TRAPPC11: variants seen among roughly 807,000 people sequenced by gnomAD.
TRAPPC11 encodes the protein trafficking protein particle complex subunit 11.
TRAPPC11 carries 104 observed loss-of-function variants against 151.2 expected under a neutral mutation model. That is an observed-to-expected ratio of 0.69 (90% CI 0.59 to 0.81). The LOEUF (loss-of-function observed/expected upper bound fraction) is 0.81. Ranked by LOEUF, TRAPPC11 falls within the 30% of genes least tolerant of loss-of-function variation. The pLI, the probability that TRAPPC11 is intolerant of heterozygous loss-of-function variation, is 0.00. For missense variants in TRAPPC11, 1,230 were observed against 1,349.6 expected, an observed-to-expected ratio of 0.91 and a Z score of 1.39; for synonymous variants, 456 against 472.3, an observed-to-expected ratio of 0.97 and a Z score of 0.45.
chr4:183,660,922 C>T (rs1274663409), intron 1 of TRAPPC11, among the ~76,000 whole-genome samples: 1 of 151,964 alleles, frequency 6.6e-6, no homozygotes, highest in Non-Finnish European at 1.5e-5. Context: ...CCCTATTGGC[C>T]AGGCTGGTTT....
rs1579231801 is a variant in TRAPPC11 at position 183,708,657 on chromosome 4, A to G, written c.3357+83A>G. 80 of 1,288,718 alleles carry G rather than the reference A, an allele frequency of 6.2e-5. No homozygotes were observed. In the East Asian group the frequency reaches 1.8e-3, roughly 30 times the overall value. 79.8% of individuals were successfully genotyped at this position (1,288,718 alleles called of 1,614,324 possible). On this transcript the variant is annotated intron_variant, in intron 29 of 29. Transcript: ENST00000334690. ...CTTTTTCATGTAAACTTCACTGAAC[A>G]GTATTTTGAGACCAACAGTGATAGT...
Position 183,685,340 on chromosome 4 carries a change from G to C in TRAPPC11, c.1699G>C (p.Asp567His), listed in dbSNP as rs1458225938. 2 of 1,614,036 alleles carry C rather than the reference G, an allele frequency of 1.2e-6. No individual in the cohort carries two copies. The highest frequency in any genetic ancestry group is 2.2e-5 in the South Asian group (2 of 91,084). Reference sequence around the variant, plus strand: ...GAAAACTGCTCAGAAGCTGTGGGCAGACCGAATTTCTCTGGCTGGCAGCAA... The same window carrying C: ...GAAAACTGCTCAGAAGCTGTGGGCACACCGAATTTCTCTGGCTGGCAGCAA... ...AVKTAQKLWA[D>H]RISLAGSNIF... The change falls in exon 17 of 30, where the codon GAC becomes CAC. Residue 567 changes from aspartate (D) to histidine (H), a missense_variant. By Grantham distance (81) the Asp-to-His change is moderately conservative. Coordinates refer to ENST00000334690, the MANE Select transcript of TRAPPC11 (RefSeq NM_021942.6).
chr4:183,697,956 T>G (rs1211237652), intron 25 of TRAPPC11, 121 bp downstream of exon 25: 1 of 886,066 alleles, frequency 1.1e-6, no homozygotes, highest in Admixed American at 3.0e-5. Context: ...ACTTGAGACC[T>G]GCACTCGTGA....
chr4:183,660,924 G>A (rs1012265012), intron 1 of TRAPPC11, among the ~76,000 whole-genome samples: 7 of 152,108 alleles, frequency 4.6e-5, no homozygotes, highest in Non-Finnish European at 8.8e-5. Flanking sequence ...CTATTGGCCA[G>A]GCTGGTTTTG....
At chr4:183,661,278 G>C (rs4861567) in intron 1 of TRAPPC11, among the ~76,000 whole-genome samples, 56,607 of 151,112 alleles carry the variant, frequency 0.37, 11,460 homozygotes, top group Non-Finnish European at 0.46. Flanking sequence ...TTGGGGATTA[G>C]GTATTAGCCT....
At chr4:183,688,768 C>T (rs1736112110) in intron 18 of TRAPPC11, among the ~76,000 whole-genome samples, 1 of 151,944 alleles carries the variant, frequency 6.6e-6, no homozygotes, top group African/African-American at 2.4e-5. Flanking sequence ...TGTTTTGAGA[C>T]AAGGCTGCAC....
intron 8 of TRAPPC11, among the ~76,000 whole-genome samples, chr4:183,677,940 CTTTTT>C: frequency 7.1e-6 from 1 of 140,404 alleles, no homozygotes; most frequent in African/African-American, 2.6e-5. Context: ...TTAGAGGAAA[CTTTTT>C]TTTTTTTTTT....
intron 15 of TRAPPC11, 39 bp downstream of exon 15, chr4:183,684,880 A>G: frequency 9.5e-6 from 15 of 1,577,368 alleles, no homozygotes; most frequent in Non-Finnish European, 1.3e-5. Context: ...TTGATACATA[A>G]AATTATTTAG....
At chr4:183,665,087 C>CTTTTTTTTTTTTTTT in intron 2 of TRAPPC11, among the ~76,000 whole-genome samples, 1 of 115,812 alleles carries the variant, frequency 8.6e-6, no homozygotes, top group Non-Finnish European at 1.8e-5. Flanking sequence ...TTTTTCTTTT[C>CTTTTTTTTTTTTTTT]TTTCTTTTTT....
intron 2 of TRAPPC11, among the ~76,000 whole-genome samples, chr4:183,664,610 C>T (rs1045502483): frequency 6.6e-5 from 10 of 151,884 alleles, no homozygotes; most frequent in African/African-American, 7.3e-5. Flanking sequence ...TTAAGGTGAA[C>T]GACATAGTAA....
In TRAPPC11 at chr4:183,666,413, G is replaced by A. The variant is rs2111301699; in HGVS notation, c.361G>A (p.Val121Met). The A allele has an allele frequency of 1.2e-6, 2 of 1,613,740 alleles. No individual in the cohort carries two copies. Among genetic ancestry groups the A allele is most frequent in the East Asian group, 2.2e-5 (1 of 44,878 alleles). Reference protein sequence around the residue: ...KEKQSECATRVEIVRQSLQGR... With the variant: ...KEKQSECATRMEIVRQSLQGR... ...AAAGCAGTCTGAGTGCGCCACCAGAGTGGAAATAGTCAGGTATGATCTTCT... is the reference window on the plus strand; with the variant it reads ...AAAGCAGTCTGAGTGCGCCACCAGAATGGAAATAGTCAGGTATGATCTTCT... The change falls in exon 3 of 30, where the codon GTG (valine) becomes ATG (methionine). Residue 121 changes from valine (V) to methionine (M), a missense_variant. Physicochemically the swap from Val to Met is conservative, Grantham distance 21 (BLOSUM62 1). Coordinates refer to ENST00000334690, the MANE Select transcript of TRAPPC11 (RefSeq NM_021942.6).
At chr4:183,708,374 G>A (rs1364450797) in intron 28 of TRAPPC11, 33 bp from the exon 29 acceptor site, 1 of 1,600,664 alleles carries the variant, frequency 6.2e-7, no homozygotes, top group Non-Finnish European at 8.5e-7. Flanking sequence ...ATGTGTATTT[G>A]ATTATCTTTC....
chr4:183,703,774 T>G (rs1368871571), intron 26 of TRAPPC11, among the ~76,000 whole-genome samples: 1 of 152,216 alleles, frequency 6.6e-6, no homozygotes, highest in African/African-American at 2.4e-5. Flanking sequence ...CAAAAGGGAT[T>G]TCCCTGGCAC....
chr4:183,680,103 A>G lies in TRAPPC11; in HGVS notation c.966-17A>G, dbSNP rs770707649. The G allele has an allele frequency of 1.9e-5, 30 of 1,594,758 alleles. No individual in the cohort carries two copies. The highest frequency in any genetic ancestry group is 2.5e-5 in the Non-Finnish European group (29 of 1,172,332). ...TCTTTTCATTCCTCTTTATTTCTTGATTTTCTTTTCTTTAAGATTCCAGGC... is the reference window on the plus strand; with the variant it reads ...TCTTTTCATTCCTCTTTATTTCTTGGTTTTCTTTTCTTTAAGATTCCAGGC... On this transcript the variant is annotated splice_polypyrimidine_tract_variant and intron_variant, in intron 9 of 29. Coordinates refer to ENST00000334690, the MANE Select transcript of TRAPPC11 (RefSeq NM_021942.6).
chr4:183,674,691 T>C (rs746969831), intron 5 of TRAPPC11, 22 bp from the exon 6 acceptor site: 4 of 1,369,766 alleles, frequency 2.9e-6, no homozygotes, highest in Non-Finnish European at 4.0e-6. Context: ...TGTAAATGCT[T>C]GTTTGTTTTT....
At chr4:183,665,307 G>A (rs1459546727) in intron 2 of TRAPPC11, among the ~76,000 whole-genome samples, 3 of 151,982 alleles carry the variant, frequency 2.0e-5, no homozygotes, top group East Asian at 1.9e-4. Flanking sequence ...TGTTAGCCAG[G>A]ATGGTCTCGA....
chr4:183,705,106 C>A (rs1245126937), intron 27 of TRAPPC11, 36 bp downstream of exon 27: 7 of 1,349,324 alleles, frequency 5.2e-6, no homozygotes, highest in Admixed American at 1.7e-5. Flanking sequence ...TAAGAAGGAC[C>A]CAATAATAAT....
intron 1 of TRAPPC11, among the ~76,000 whole-genome samples, chr4:183,660,275 C>T (rs1055690479): frequency 6.6e-6 from 1 of 152,196 alleles, no homozygotes; most frequent in Non-Finnish European, 1.5e-5. Context: ...TAATTTAGAT[C>T]TCTGCTGTCC....
intron 5 of TRAPPC11, among the ~76,000 whole-genome samples, chr4:183,670,505 A>G (rs1392298068): frequency 6.6e-6 from 1 of 152,236 alleles, no homozygotes; most frequent in African/African-American, 2.4e-5. Context: ...AACAAAGGTG[A>G]CAGTTTAATA....
Sources: allele counts gnomAD v4.1 joint callset (sites outside exome capture counted in the v4.1 genomes callset), GRCh38; gene constraint gnomAD v4.1.1; transcripts MANE v1.5; gene names NCBI Gene and HGNC (gene_info 2026-07-23, HGNC 2026-07-21).